The following SP4 variants were observed in gnomAD, a reference collection of about 807,000 sequenced individuals.
The protein encoded by SP4 is transcription factor Sp4.
A neutral mutation model predicts 72.8 loss-of-function variants in SP4; 19 were observed. The observed-to-expected ratio is 0.26, with a 90% CI of 0.18 to 0.38. SP4 has a LOEUF of 0.38. SP4 is among the 10% of genes least tolerant of loss of function. The probability of loss-of-function intolerance (pLI) is 1.00; values close to 1 mark genes in which losing one functional copy is unlikely to be tolerated. For missense variants in SP4, 1,008 were observed against 926.3 expected (o/e 1.09, Z -1.14); for synonymous variants, 395 against 333.1 (o/e 1.19, Z -2.02).
intron 3 of SP4, among the ~76,000 whole-genome samples, chr7:21,469,896 A>G (rs929743963): frequency 6.6e-6 from 1 of 152,128 alleles, no homozygotes; most frequent in African/African-American, 2.4e-5. Context: ...CTTTTCAAAA[A>G]AAAAACACCT....
rs567781463 is a variant in SP4 at position 21,449,168 on chromosome 7, T to C, written c.1678+18325T>C. Among the ~76,000 whole-genome samples the C allele has an allele frequency of 2.0e-5, 3 of 152,326 alleles. No homozygotes were observed. The South Asian group carries it at 6.2e-4, about 32-fold the overall frequency. On this transcript the variant is annotated intron_variant, in intron 3 of 5. Transcript: ENST00000222584. Reference sequence around the variant, plus strand: ...GGACAGCCCCTGTGCCCCACGGTCTTCTAAAGTTATTCAAACTAGCCAACC... The same window carrying C: ...GGACAGCCCCTGTGCCCCACGGTCTCCTAAAGTTATTCAAACTAGCCAACC...
chr7:21,436,021 C>T (rs1783040533), intron 3 of SP4, among the ~76,000 whole-genome samples: 1 of 152,080 alleles, frequency 6.6e-6, no homozygotes, highest in African/African-American at 2.4e-5. Context: ...GCCTCAGCTC[C>T]CCAAGTAGCA....
chr7:21,481,777 T>G, intron 4 of SP4, 147 bp from the exon 5 acceptor site: 1 of 634,308 alleles, frequency 1.6e-6, no homozygotes, highest in South Asian at 2.0e-5. Flanking sequence ...TAACTGAAAA[T>G]TTTCTGATTT....
chr7:21,446,446 TAA>T (rs1024765355), intron 3 of SP4, among the ~76,000 whole-genome samples: 2 of 146,938 alleles, frequency 1.4e-5, no homozygotes, highest in African/African-American at 5.0e-5. Flanking sequence ...ATGACATATT[TAA>T]AAAAAAAAAG....
At chr7:21,508,218 C>G (rs1782053988) in intron 5 of SP4, among the ~76,000 whole-genome samples, 1 of 152,268 alleles carries the variant, frequency 6.6e-6, no homozygotes, top group African/African-American at 2.4e-5. Flanking sequence ...ACAGAGATCC[C>G]AGACAGGCCC....
At chr7:21,442,405 G>T (rs1176233044) in intron 3 of SP4, among the ~76,000 whole-genome samples, 1 of 152,092 alleles carries the variant, frequency 6.6e-6, no homozygotes, top group African/African-American at 2.4e-5. Flanking sequence ...TTAATTAGCA[G>T]AACTTTTTTC....
intron 3 of SP4, among the ~76,000 whole-genome samples, chr7:21,465,227 T>G (rs1482330262): frequency 6.6e-6 from 1 of 152,218 alleles, no homozygotes; most frequent in African/African-American, 2.4e-5. Flanking sequence ...TAGAGTTGCC[T>G]TTCCTTCCTA....
chr7:21,430,536 G>T lies in SP4; in HGVS notation c.1371G>T (p.Arg457Ser). ...TAAATCCGACTCAGGTGCTTATCAG[G>T]GCTCCAACTTTAACACCTTCAGGGC... ...QAVNPTQVLI[R>S]APTLTPSGQI... The change falls in exon 3 of 6, where the codon AGG becomes AGT. Residue 457 changes from arginine to serine, a missense_variant. Transcript: ENST00000222584. 6.2e-7 allele frequency: 1 copy of T among 1,614,136 alleles called. No homozygotes were observed. Among genetic ancestry groups the T allele is most frequent in the Non-Finnish European group, 8.5e-7 (1 of 1,180,030 alleles).
intron 5 of SP4, among the ~76,000 whole-genome samples, chr7:21,500,691 C>A (rs772271603): frequency 2.0e-5 from 3 of 152,208 alleles, no homozygotes; most frequent in Non-Finnish European, 4.4e-5. Context: ...ATGTGGCCCC[C>A]TCCAGCAACA....
At chr7:21,481,016 T>TG (rs1784669781) in intron 4 of SP4, among the ~76,000 whole-genome samples, 1 of 152,208 alleles carries the variant, frequency 6.6e-6, no homozygotes, top group Non-Finnish European at 1.5e-5. Context: ...GCCTGGTTGC[T>TG]GGGGCAGCAA....
intron 5 of SP4, among the ~76,000 whole-genome samples, chr7:21,493,166 C>CTCCA (rs1403586739): frequency 6.6e-6 from 1 of 150,728 alleles, no homozygotes; most frequent in Non-Finnish European, 1.5e-5. Flanking sequence ...CACCATTGCA[C>CTCCA]TCCAGCCTGG....
Position 21,444,356 on chromosome 7 carries a change from C to T in SP4, c.1678+13513C>T, listed in dbSNP as rs572346317. The stretch of plus-strand genomic sequence containing the variant: ...TATATTTTGGCTGACATTTACTGCA[C>T]GTTTATAGTATACCAGATAATGCAT... On this transcript the variant is annotated intron_variant, in intron 3 of 5. Coordinates refer to ENST00000222584, the MANE Select transcript of SP4 (RefSeq NM_003112.5). Among the ~76,000 whole-genome samples the T allele has an allele frequency of 4.6e-5, 7 of 152,254 alleles. No homozygotes were observed. The South Asian group carries it at 1.0e-3, about 23-fold the overall frequency.
At chr7:21,473,289 T>C (rs982175813) in intron 3 of SP4, among the ~76,000 whole-genome samples, 1 of 152,142 alleles carries the variant, frequency 6.6e-6, no homozygotes, top group African/African-American at 2.4e-5. Flanking sequence ...GCCTAAAAGA[T>C]GACATTTTAA....
At chr7:21,504,587 A>G (rs1002887115) in intron 5 of SP4, among the ~76,000 whole-genome samples, 2 of 152,144 alleles carry the variant, frequency 1.3e-5, no homozygotes, top group African/African-American at 2.4e-5. Flanking sequence ...TTGTTATTCT[A>G]TGATATCTAA....
At chr7:21,507,081 G>C (rs1782017962) in intron 5 of SP4, among the ~76,000 whole-genome samples, 2 of 152,182 alleles carry the variant, frequency 1.3e-5, no homozygotes, top group African/African-American at 4.8e-5. Flanking sequence ...CCTATGAATA[G>C]GATATTCTTG....
intron 5 of SP4, among the ~76,000 whole-genome samples, chr7:21,486,236 A>T (rs2128412248): frequency 6.6e-6 from 1 of 151,862 alleles, no homozygotes. Context: ...TTATTTTGAA[A>T]TAATTTTATA....
intron 3 of SP4, among the ~76,000 whole-genome samples, chr7:21,452,312 G>A (rs1783625530): frequency 6.6e-6 from 1 of 152,162 alleles, no homozygotes; most frequent in South Asian, 2.1e-4. Flanking sequence ...TTTAAAATTG[G>A]CTTTGATGGA....
intron 4 of SP4, among the ~76,000 whole-genome samples, chr7:21,478,926 AG>A (rs1436496199): frequency 2.0e-4 from 31 of 151,980 alleles, no homozygotes; most frequent in African/African-American, 6.8e-4. Context: ...AAATTAGCCA[AG>A]CATGGTAGCG....
intron 3 of SP4, among the ~76,000 whole-genome samples, chr7:21,436,329 C>T (rs1783051138): frequency 6.6e-6 from 1 of 152,118 alleles, no homozygotes; most frequent in African/African-American, 2.4e-5. Flanking sequence ...GCACTCACAG[C>T]TCTAAATTTA....
Sources: allele counts gnomAD v4.1 joint callset (sites outside exome capture counted in the v4.1 genomes callset), GRCh38; gene constraint gnomAD v4.1.1; transcripts MANE v1.5; gene names NCBI Gene and HGNC (gene_info 2026-07-23, HGNC 2026-07-21).